The following FSTL4 variants were observed in gnomAD, a reference collection of about 807,000 sequenced individuals.
The protein encoded by FSTL4 is follistatin-related protein 4.
Under a neutral mutation model 78.2 loss-of-function variants are expected in FSTL4, and 28 were observed. That is an observed-to-expected ratio of 0.36 (90% CI 0.27 to 0.49). The LOEUF is 0.49. Ranked by LOEUF, FSTL4 falls within the 20% of genes least tolerant of loss-of-function variation. The probability of loss-of-function intolerance (pLI) is 0.98; values close to 1 mark genes in which losing one functional copy is unlikely to be tolerated. For missense variants in FSTL4, 922 were observed against 1,084.9 expected (o/e 0.85, Z 2.11); for synonymous variants, 422 against 440.5 (o/e 0.96, Z 0.53).
intron 3 of FSTL4, among the ~76,000 whole-genome samples, chr5:133,422,670 A>C (rs1372142128): frequency 6.6e-6 from 1 of 152,208 alleles, no homozygotes; most frequent in Non-Finnish European, 1.5e-5. Flanking sequence ...GTAGAAATGG[A>C]AGATTTTAAA....
chr5:133,371,894 C>T (rs1240839845), intron 4 of FSTL4, among the ~76,000 whole-genome samples: 3 of 152,178 alleles, frequency 2.0e-5, no homozygotes, highest in African/African-American at 7.2e-5. Flanking sequence ...TGCTGCTTGT[C>T]CACTCCCAGG....
At chr5:133,762,201 C>T in the FSTL4 span, among the ~76,000 whole-genome samples, 5 of 152,182 alleles carry the variant, frequency 3.3e-5, no homozygotes, top group South Asian at 1.0e-3. Context: ...AGATCTAGAC[C>T]ACCCTCAACC....
intron 3 of FSTL4, among the ~76,000 whole-genome samples, chr5:133,459,304 CAG>C (rs1757550045): frequency 6.6e-6 from 1 of 152,018 alleles, no homozygotes; most frequent in African/African-American, 2.4e-5. Flanking sequence ...CCGTGCAGGG[CAG>C]CCCTTCCTCC....
intron 2 of FSTL4, among the ~76,000 whole-genome samples, chr5:133,580,986 G>T (rs1316472667): frequency 6.6e-6 from 1 of 152,260 alleles, no homozygotes; most frequent in South Asian, 2.1e-4. Context: ...GCCTCACTCA[G>T]GGTCTGGTGA....
the FSTL4 span, among the ~76,000 whole-genome samples, chr5:133,651,915 C>G: frequency 1.3e-5 from 2 of 152,148 alleles, no homozygotes; most frequent in South Asian, 4.1e-4. Flanking sequence ...CTGGGCCTAG[C>G]GTTTTCTGTT....
chr5:133,370,952 T>C (rs1386607010), intron 4 of FSTL4, among the ~76,000 whole-genome samples: 1 of 152,162 alleles, frequency 6.6e-6, no homozygotes, highest in Non-Finnish European at 1.5e-5. Flanking sequence ...TCCCCTGCCA[T>C]GACTGGCTGC....
chr5:133,245,121 TAAAAA>T (rs11315228), intron 7 of FSTL4, among the ~76,000 whole-genome samples: 39 of 91,458 alleles, frequency 4.3e-4, no homozygotes, highest in Middle Eastern at 6.8e-3. Context: ...CCCTACTGCC[TAAAAA>T]AAAAAAAAAA....
the FSTL4 span, among the ~76,000 whole-genome samples, chr5:133,641,719 A>G: frequency 0.049 from 7,532 of 152,238 alleles, 584 homozygotes; most frequent in African/African-American, 0.17. Flanking sequence ...GCTAATTACA[A>G]TATATGCATA....
At chr5:133,703,967 C>G in the FSTL4 span, among the ~76,000 whole-genome samples, 1 of 152,162 alleles carries the variant, frequency 6.6e-6, no homozygotes. Context: ...TAGGAGAAAA[C>G]CTCTGAAGGA....
intron 4 of FSTL4, among the ~76,000 whole-genome samples, chr5:133,362,485 G>A (rs533815119): frequency 1.4e-4 from 22 of 152,186 alleles, no homozygotes; most frequent in Non-Finnish European, 2.8e-4. Flanking sequence ...AGGGCAGGAG[G>A]AGCCTTTGTT....
intron 3 of FSTL4, among the ~76,000 whole-genome samples, chr5:133,421,625 C>T (rs111342372): frequency 3.9e-5 from 6 of 152,350 alleles, no homozygotes; most frequent in Admixed American, 6.5e-5. Flanking sequence ...CCATTTCCAA[C>T]GCCTTATGTG....
chr5:133,718,607 A>G, the FSTL4 span, among the ~76,000 whole-genome samples: 1 of 152,256 alleles, frequency 6.6e-6, no homozygotes, highest in Non-Finnish European at 1.5e-5. Context: ...AAAGCATTTA[A>G]TTACCTGACA....
the FSTL4 span, among the ~76,000 whole-genome samples, chr5:133,647,024 C>A: frequency 1.3e-5 from 2 of 152,100 alleles, no homozygotes; most frequent in African/African-American, 4.8e-5. Context: ...CAGAGAAAAA[C>A]CACAGAAGTA....
At chr5:133,346,874 C>T (rs927123916) in intron 4 of FSTL4, among the ~76,000 whole-genome samples, 2 of 152,090 alleles carry the variant, frequency 1.3e-5, no homozygotes, top group African/African-American at 4.8e-5. Context: ...TTCTTCGGCT[C>T]CTTCTATGGA....
intron 4 of FSTL4, among the ~76,000 whole-genome samples, chr5:133,337,923 G>T (rs142358335): frequency 6.6e-6 from 1 of 152,340 alleles, no homozygotes; most frequent in African/African-American, 2.4e-5. Flanking sequence ...AAGAAATGGA[G>T]ATCAAATGTG....
the FSTL4 span, among the ~76,000 whole-genome samples, chr5:133,689,748 A>C: frequency 1.3e-5 from 2 of 152,030 alleles, no homozygotes; most frequent in Non-Finnish European, 2.9e-5. Context: ...TGGTCTCAGC[A>C]CTCTAAGTGC....
intron 3 of FSTL4, among the ~76,000 whole-genome samples, chr5:133,403,162 G>A (rs1472062085): frequency 1.3e-5 from 2 of 152,218 alleles, no homozygotes; most frequent in African/African-American, 2.4e-5. Flanking sequence ...GGGCCAGGAC[G>A]CAGAGCATTG....
At chr5:133,298,941 T>G (rs1283090626) in intron 6 of FSTL4, among the ~76,000 whole-genome samples, 1 of 152,230 alleles carries the variant, frequency 6.6e-6, no homozygotes, top group East Asian at 1.9e-4. Flanking sequence ...ACTTCTCCCC[T>G]GGGATGAGGG....
At chr5:133,395,788 T>C (rs576218793) in intron 4 of FSTL4, among the ~76,000 whole-genome samples, 1 of 152,290 alleles carries the variant, frequency 6.6e-6, no homozygotes, top group Admixed American at 6.5e-5. Context: ...AAATCCACCT[T>C]GAAGGTCCCC....
Sources: gnomAD v4.1 joint callset for allele counts (sites outside exome capture counted in the v4.1 genomes callset) on GRCh38, gnomAD v4.1.1 for gene constraint, MANE v1.5 for transcripts, NCBI Gene and HGNC (gene_info 2026-07-23, HGNC 2026-07-21) for gene names.